The following GDAP1 variants were observed in gnomAD, a reference collection of about 807,000 sequenced individuals.
GDAP1 encodes the protein ganglioside induced differentiation associated protein 1.
A neutral mutation model predicts 40.1 loss-of-function variants in GDAP1; 34 were observed. The ratio of observed to expected loss-of-function variants is 0.85; its 90% CI spans 0.64 to 1.13. GDAP1 has a LOEUF of 1.13. GDAP1 is among the 50% of genes most tolerant of loss of function. The probability of loss-of-function intolerance (pLI) is 0.00; values close to 1 mark genes in which losing one functional copy is unlikely to be tolerated. For missense variants in GDAP1, 374 were observed against 433.7 expected, an observed-to-expected ratio of 0.86 and a Z score of 1.22; for synonymous variants, 170 against 157.4, an observed-to-expected ratio of 1.08 and a Z score of -0.60.
At chr8:74,451,923 C>CTTAATTTAATTTAATTTAAT (rs543598612) in intron 2 of GDAP1, among the ~76,000 whole-genome samples, 693 of 54,630 alleles carry the variant, frequency 0.013, 233 homozygotes, top group African/African-American at 0.018. Context: ...TCTTTATTTT[C>CTTAATTTAATTTAATTTAAT]TTAATTTAAT....
intron 2 of GDAP1, among the ~76,000 whole-genome samples, chr8:74,422,928 A>G (rs1317525616): frequency 6.6e-6 from 1 of 151,558 alleles, no homozygotes; most frequent in African/African-American, 2.4e-5. Context: ...ATGTATATAT[A>G]TAATGAGATT....
chr8:74,360,891 G>A (rs1179875744), intron 3 of GDAP1, among the ~76,000 whole-genome samples: 1 of 152,166 alleles, frequency 6.6e-6, no homozygotes, highest in Non-Finnish European at 1.5e-5. Context: ...AGATAAGAAG[G>A]GAAAGGATTG....
intron 2 of GDAP1, among the ~76,000 whole-genome samples, chr8:74,356,028 A>C (rs1318962010): frequency 3.3e-5 from 5 of 152,176 alleles, no homozygotes; most frequent in Admixed American, 2.0e-4. Context: ...TGTTATATTA[A>C]AAATAGTTAT....
rs990078709 is a variant in GDAP1, at chr8:74,399,465, G to A, written c.165+48144G>A. 1.3e-4 allele frequency among the ~76,000 whole-genome samples: 20 copies of A among 148,348 alleles called. 2 individuals carry two copies. The highest frequency in any genetic ancestry group is 3.2e-4 in the African/African-American group (12 of 38,062). ...TTTCTCCTTTATTAGTCTTGTTAGCGGTCTATCAATTTTGTTGATCCTTTC... is the reference window on the plus strand; with the variant it reads ...TTTCTCCTTTATTAGTCTTGTTAGCAGTCTATCAATTTTGTTGATCCTTTC... On this transcript the variant is annotated intron_variant, in intron 2 of 2. Coordinates refer to the GDAP1 transcript ENST00000523640.
At chr8:74,382,153 G>A (rs892671754) in intron 2 of GDAP1, among the ~76,000 whole-genome samples, 3 of 151,916 alleles carry the variant, frequency 2.0e-5, no homozygotes, top group South Asian at 2.1e-4. Flanking sequence ...TTATGGATGC[G>A]CAAATTGTCC....
chr8:74,432,670 G>C (rs1207695508), intron 2 of GDAP1, among the ~76,000 whole-genome samples: 1 of 152,034 alleles, frequency 6.6e-6, no homozygotes, highest in African/African-American at 2.4e-5. Flanking sequence ...TTCCATCAGC[G>C]CCTTCCCTGG....
intron 2 of GDAP1, among the ~76,000 whole-genome samples, chr8:74,393,499 C>T (rs956351135): frequency 2.0e-5 from 3 of 152,024 alleles, no homozygotes; most frequent in African/African-American, 7.2e-5. Context: ...TATCCTGGAT[C>T]AAAATGTTCT....
chr8:74,474,772 C>T lies in GDAP1; in HGVS notation c.166-13906C>T, dbSNP rs183389347. Among the ~76,000 whole-genome samples the T allele has an allele frequency of 6.6e-4, 101 of 152,068 alleles. 2 individuals carry two copies. The South Asian group carries it at 0.012, about 18-fold the overall frequency. On this transcript the variant is annotated intron_variant, in intron 2 of 2. Transcript: ENST00000523640. ...CAGTTTTCTTTTTTGGTTGTGTTTC[C>T]GCCAGGCTTTTGTAGCAGAATGATG... is the stretch of plus-strand genomic sequence containing the variant.
Position 74,366,618 on chromosome 8 carries a change from A to T in GDAP1, c.*2251A>T. 2 of 453,896 alleles carry T rather than the reference A, an allele frequency of 4.4e-6. No homozygotes were observed. The highest frequency in any genetic ancestry group is 3.1e-5 in the South Asian group (2 of 64,430). 28.1% of individuals were successfully genotyped at this position (453,896 alleles called of 1,614,324 possible). A position where few individuals can be genotyped will look rare whatever the true frequency, so the allele number is the denominator to read the frequency against. On this transcript the variant is annotated 3_prime_UTR_variant, in exon 6 of 6. Coordinates refer to ENST00000220822, the MANE Select transcript of GDAP1 (RefSeq NM_018972.4). The stretch of plus-strand genomic sequence containing the variant: ...TTGTATAAATATCACAATTAGAAAA[A>T]TGCCTGAGGTACTAAAGTTATGTTG...
intron 2 of GDAP1, among the ~76,000 whole-genome samples, chr8:74,378,367 A>G (rs1322325108): frequency 6.6e-6 from 1 of 152,200 alleles, no homozygotes; most frequent in Non-Finnish European, 1.5e-5. Flanking sequence ...GTCTGAGCTC[A>G]GCGTTCTTTA....
intron 2 of GDAP1, among the ~76,000 whole-genome samples, chr8:74,383,513 G>C (rs1401740776): frequency 6.6e-6 from 1 of 152,134 alleles, no homozygotes; most frequent in African/African-American, 2.4e-5. Flanking sequence ...TTAATAATCT[G>C]TTTTTCAGTT....
downstream of GDAP1, among the ~76,000 whole-genome samples, chr8:74,368,263 A>G (rs1435044488): frequency 1.3e-5 from 2 of 152,186 alleles, no homozygotes; most frequent in African/African-American, 4.8e-5. Context: ...GCGTATGACC[A>G]GCATGTATAA....
At chr8:74,392,599 T>A (rs1347319100) in intron 2 of GDAP1, among the ~76,000 whole-genome samples, 1 of 152,224 alleles carries the variant, frequency 6.6e-6, no homozygotes, top group African/African-American at 2.4e-5. Context: ...CCGTTAACAT[T>A]CATGTTCCCC....
intron 2 of GDAP1, among the ~76,000 whole-genome samples, chr8:74,465,824 T>C (rs1806462930): frequency 6.6e-6 from 1 of 152,152 alleles, no homozygotes; most frequent in Admixed American, 6.5e-5. Context: ...TCTGGAATTT[T>C]TCATCATACT....
At chr8:74,441,153 T>A (rs1806157699) in intron 2 of GDAP1, among the ~76,000 whole-genome samples, 1 of 152,158 alleles carries the variant, frequency 6.6e-6, no homozygotes, top group Non-Finnish European at 1.5e-5. Context: ...AGTCCAAGAT[T>A]TGTGCTCAGT....
intron 2 of GDAP1, among the ~76,000 whole-genome samples, chr8:74,378,789 A>G (rs566308946): frequency 6.6e-6 from 1 of 152,304 alleles, no homozygotes; most frequent in East Asian, 1.9e-4. Context: ...TCACTCACAC[A>G]TATGTATATA....
In GDAP1 at chr8:74,365,483, T is replaced by C. The variant is rs1809582373; in HGVS notation, c.*1116T>C. On this transcript the variant is annotated 3_prime_UTR_variant, in exon 6 of 6. Transcript: ENST00000220822. The stretch of plus-strand genomic sequence containing the variant: ...TGAATAACCTTGGAACTGCAACAAA[T>C]GGTTTGTGCTCAGAAAAAGTCTTTC... 2.2e-6 allele frequency: 1 copy of C among 453,624 alleles called. No individual in the cohort carries two copies. The highest frequency in any genetic ancestry group is 2.0e-5 in the African/African-American group (1 of 49,882). The allele number at this position is 453,624 out of a possible 1,614,324, so 28.1% of individuals were successfully genotyped here.
At chr8:74,358,220 T>G (rs1483018973) in intron 2 of GDAP1, among the ~76,000 whole-genome samples, 3 of 152,226 alleles carry the variant, frequency 2.0e-5, no homozygotes, top group African/African-American at 7.2e-5. Context: ...CTGATGGATC[T>G]TCCCCAGAAA....
At chr8:74,405,245 G>A (rs1479923620) in intron 2 of GDAP1, among the ~76,000 whole-genome samples, 3 of 149,976 alleles carry the variant, frequency 2.0e-5, no homozygotes, top group African/African-American at 7.6e-5. Context: ...CACAATATGG[G>A]GGAACCACCC....
Sources: allele counts gnomAD v4.1 joint callset (sites outside exome capture counted in the v4.1 genomes callset), GRCh38; gene constraint gnomAD v4.1.1; transcripts MANE v1.5; gene names NCBI Gene and HGNC (gene_info 2026-07-23, HGNC 2026-07-21).